ITIH5: variants seen among roughly 807,000 people sequenced by gnomAD.
ITIH5 encodes inter-alpha-trypsin inhibitor heavy chain 5, also known as inter-alpha-trypsin inhibitor heavy chain H5.
A neutral mutation model predicts 77.5 loss-of-function variants in ITIH5; 65 were observed. That is an observed-to-expected ratio of 0.84 (90% CI 0.69 to 1.03). The LOEUF (loss-of-function observed/expected upper bound fraction) is 1.03. ITIH5 is among the 50% of genes least tolerant of loss of function. The pLI is 0.00. For synonymous variants in ITIH5, 525 were observed against 494.3 expected, an observed-to-expected ratio of 1.06 and a Z score of -0.82; for missense variants, 1,208 against 1,213.1, an observed-to-expected ratio of 1.00 and a Z score of 0.06.
intron 10 of ITIH5, among the ~76,000 whole-genome samples, chr10:7,574,742 G>A (rs966163479): frequency 1.4e-5 from 2 of 145,364 alleles, no homozygotes; most frequent in Non-Finnish European, 1.5e-5. Context: ...GCAGTGAGCC[G>A]AGATAGCACC....
intron 5 of ITIH5, among the ~76,000 whole-genome samples, chr10:7,625,338 TCTGG>T (rs2131051302): frequency 6.6e-6 from 1 of 152,308 alleles, no homozygotes; most frequent in South Asian, 2.1e-4. Flanking sequence ...ACAGTGGTTA[TCTGG>T]GACCAGGGGG....
intron 2 of ITIH5, among the ~76,000 whole-genome samples, chr10:7,649,132 G>A (rs1285401305): frequency 6.6e-6 from 1 of 152,006 alleles, no homozygotes; most frequent in Non-Finnish European, 1.5e-5. Context: ...AAGAACAGAA[G>A]CCATGACTAC....
At position 7,569,736 on chromosome 10, in the gene ITIH5, G is replaced by A. The variant is rs368718364; in HGVS notation, c.2081C>T (p.Thr694Ile). The A allele has an allele frequency of 1.9e-6, 3 of 1,613,062 alleles. No individual in the cohort carries two copies. The African/African-American group carries it at 4.0e-5, about 22-fold the overall frequency. ...CTGCCCATCAATGTTGAAGCACACG[G>A]TGAGTCTGCTCAGGGGGAAATCCAC... ...FVVDFPLSRL[T>I]VCFNIDGQPG... Residue 694 changes from threonine (T) to isoleucine (I), a missense_variant, in exon 12 of 14, where the codon ACC becomes ATC. By Grantham distance (89) the Thr-to-Ile change is moderately conservative (BLOSUM62 -1). Transcript: ENST00000397146.
rs930217125 is a variant in ITIH5 at position 7,650,461 on chromosome 10, C to T, written c.135+5170G>A. ...CTGAGAAAAACAATACAGGGCCGGGCGTGGTGGCTCATGCCTGTAATCCCA... is the reference window on the plus strand; with the variant it reads ...CTGAGAAAAACAATACAGGGCCGGGTGTGGTGGCTCATGCCTGTAATCCCA... On this transcript the variant is annotated intron_variant, in intron 2 of 13. Transcript: ENST00000397146. 3.9e-5 allele frequency among the ~76,000 whole-genome samples: 6 copies of T among 152,122 alleles called. No individual in the cohort carries two copies. The East Asian group carries it at 5.8e-4, about 15-fold the overall frequency.
intron 7 of ITIH5, among the ~76,000 whole-genome samples, chr10:7,610,379 C>T (rs186594697): frequency 1.4e-4 from 22 of 152,190 alleles, no homozygotes; most frequent in Non-Finnish European, 2.8e-4. Context: ...TACCCCTTAC[C>T]GAGAATATTT....
intron 8 of ITIH5, among the ~76,000 whole-genome samples, chr10:7,581,375 A>G (rs1266134923): frequency 6.6e-6 from 1 of 152,222 alleles, no homozygotes; most frequent in Non-Finnish European, 1.5e-5. Flanking sequence ...CGAAACAGAA[A>G]ACAAATCTCA....
chr10:7,625,622 G>A (rs949155415), intron 5 of ITIH5, among the ~76,000 whole-genome samples: 5 of 151,828 alleles, frequency 3.3e-5, no homozygotes, highest in African/African-American at 4.8e-5. Flanking sequence ...AAAATTAGCC[G>A]GGCCTGGTGG....
chr10:7,581,527 A>G (rs1363457142), intron 8 of ITIH5, among the ~76,000 whole-genome samples: 1 of 151,920 alleles, frequency 6.6e-6, no homozygotes, highest in African/African-American at 2.4e-5. Flanking sequence ...CATGGAAAAA[A>G]TGGTGTGAGA....
At chr10:7,602,051 A>G (rs1399399134) in intron 7 of ITIH5, among the ~76,000 whole-genome samples, 1 of 151,908 alleles carries the variant, frequency 6.6e-6, no homozygotes, top group Non-Finnish European at 1.5e-5. Flanking sequence ...ACAGGGTTTC[A>G]CCATGTTGGC....
At position 7,563,119 on chromosome 10, in the gene ITIH5, C is replaced by G. The variant is rs1047442457; in HGVS notation, c.2793G>C (p.Gly931=). The part of the protein sequence containing the change: ...DYLASHPFDT[G]MTLGRGMSRE... ...TGGACATTCCCCGGCCAAGTGTCAT[C>G]CCTGTGTCAAATGGATGGGATGCCA... The change falls in exon 14 of 14, where the codon GGG becomes GGC. Residue 931 remains glycine, a synonymous_variant. Coordinates refer to ENST00000397146, the MANE Select transcript of ITIH5 (RefSeq NM_030569.7). 6.2e-7 allele frequency: 1 copy of G among 1,613,924 alleles called. No homozygotes were observed. Among genetic ancestry groups the G allele is most frequent in the Non-Finnish European group, 8.5e-7 (1 of 1,179,892 alleles).
intron 5 of ITIH5, among the ~76,000 whole-genome samples, chr10:7,631,132 T>G (rs1326408602): frequency 1.3e-5 from 2 of 152,024 alleles, no homozygotes; most frequent in African/African-American, 4.8e-5. Flanking sequence ...ACCCCAAACT[T>G]TATTGTCCGT....
intron 10 of ITIH5, among the ~76,000 whole-genome samples, chr10:7,575,997 A>G (rs1161866177): frequency 6.6e-6 from 1 of 152,142 alleles, no homozygotes; most frequent in Non-Finnish European, 1.5e-5. Flanking sequence ...CCTGAAGATT[A>G]TGAGCTGTAT....
At chr10:7,571,922 G>C in intron 11 of ITIH5, 1 of 975,370 alleles carries the variant, frequency 1.0e-6, no homozygotes, top group Non-Finnish European at 1.2e-6. Flanking sequence ...CATGGAGATA[G>C]AGGACAACTG....
At chr10:7,565,391 CAT>C (rs1178459418) in intron 13 of ITIH5, among the ~76,000 whole-genome samples, 4 of 148,070 alleles carry the variant, frequency 2.7e-5, no homozygotes, top group Non-Finnish European at 5.9e-5. Context: ...TATATACACA[CAT>C]ATCATGCACA....
intron 7 of ITIH5, among the ~76,000 whole-genome samples, chr10:7,613,742 A>G (rs1288274371): frequency 2.0e-5 from 3 of 152,196 alleles, no homozygotes; most frequent in African/African-American, 7.2e-5. Flanking sequence ...TTGTGTCTCA[A>G]GGATGTTTGT....
intron 7 of ITIH5, among the ~76,000 whole-genome samples, chr10:7,603,806 A>C (rs1168376841): frequency 6.6e-6 from 1 of 152,012 alleles, no homozygotes; most frequent in Non-Finnish European, 1.5e-5. Flanking sequence ...GATGGTCCCG[A>C]TCTCCTGACC....
At position 7,666,914 on chromosome 10, in the gene ITIH5, G is replaced by A; in HGVS notation, c.-22C>T. ...GCATGGCGGGGCGAGGGCGCGGGAC[G>A]CTCGGGGACCCGGCGGGACACGCTT... is the stretch of plus-strand genomic sequence containing the variant. On this transcript the variant is annotated 5_prime_UTR_variant, in exon 1 of 14. Transcript: ENST00000397146. The A allele has an allele frequency of 1.3e-6, 2 of 1,570,814 alleles. No homozygotes were observed. Among genetic ancestry groups the A allele is most frequent in the South Asian group, 1.2e-5 (1 of 86,946 alleles).
intron 2 of ITIH5, 67 bp from the exon 3 acceptor site, chr10:7,642,157 C>CTT (rs113650478): frequency 7.8e-4 from 781 of 995,196 alleles, no homozygotes; most frequent in Admixed American, 4.2e-3. Flanking sequence ...AGTGGAACAT[C>CTT]TTTTTTTTTT....
chr10:7,579,631 G>C, intron 9 of ITIH5, 124 bp downstream of exon 9: 1 of 933,654 alleles, frequency 1.1e-6, no homozygotes, highest in South Asian at 1.5e-5. Context: ...ATTGCAATGA[G>C]CTATGATCGT....
Sources: gnomAD v4.1 joint callset for allele counts (sites outside exome capture counted in the v4.1 genomes callset) on GRCh38, gnomAD v4.1.1 for gene constraint, MANE v1.5 for transcripts, NCBI Gene and HGNC (gene_info 2026-07-23, HGNC 2026-07-21) for gene names.